ZXDC: variants seen among roughly 807,000 people sequenced by gnomAD.
ZXDC encodes the protein ZXD family zinc finger C.
Under a neutral mutation model 63.6 loss-of-function variants are expected in ZXDC, and 58 were observed. The observed-to-expected ratio is 0.91, with a 90% CI of 0.74 to 1.13. The LOEUF is 1.13. Ranked by LOEUF, ZXDC falls within the 50% of genes most tolerant of loss-of-function variation. The pLI is 0.00. For missense variants in ZXDC, 1,133 were observed against 1,148.9 expected, an observed-to-expected ratio of 0.99 and a Z score of 0.20; for synonymous variants, 561 against 496.1, an observed-to-expected ratio of 1.13 and a Z score of -1.74.
At position 126,475,428 on chromosome 3, in the gene ZXDC, C is replaced by A; in HGVS notation, c.438G>T (p.Ala146=). The A allele has an allele frequency of 1.7e-6, 2 of 1,184,816 alleles. No homozygotes were observed. Among genetic ancestry groups the A allele is most frequent in the Non-Finnish European group, 2.1e-6 (2 of 958,920 alleles). The allele number at this position is 1,184,816 out of a possible 1,614,324, so 73.4% of individuals were successfully genotyped here. A position where few individuals can be genotyped will look rare whatever the true frequency, so the allele number is the denominator to read the frequency against. Residue 146 remains alanine (A), a synonymous_variant, in exon 1 of 10, where the codon GCG becomes GCT. Coordinates refer to ENST00000389709, the MANE Select transcript of ZXDC (RefSeq NM_025112.5). ...LLVRLDRGVL[A]LSAPPGPATA... is the part of the protein sequence containing the mutation. The stretch of plus-strand genomic sequence containing the variant: ...TTGCGGGGCCGGGCGGCGCAGACAG[C>A]GCGAGGACGCCGCGGTCGAGACGCA...
rs200453415 is a variant in ZXDC at position 126,461,983 on chromosome 3, A to G, written c.1679T>C (p.Leu560Pro). Reference protein sequence around the residue: ...GGNLPANNSSLGPMEPLVLVA... With the variant: ...GGNLPANNSSPGPMEPLVLVA... The stretch of plus-strand genomic sequence containing the variant: ...CAGGACCAGGGGTTCCATCGGCCCT[A>G]GGGAGCTATTATTAGCAGGGAGGTT... Residue 560 changes from leucine to proline, a missense_variant, in exon 6 of 10, where the codon CTA (leucine) becomes CCA (proline). Coordinates refer to ENST00000389709, the MANE Select transcript of ZXDC (RefSeq NM_025112.5). 4.0e-5 allele frequency: 64 copies of G among 1,614,156 alleles called. No homozygotes were observed. In the Middle Eastern group the frequency reaches 6.6e-4, roughly 17 times the overall value.
chr3:126,441,660 G>A (rs1176472237), intron 8 of ZXDC, 105 bp downstream of exon 8: 6 of 1,437,024 alleles, frequency 4.2e-6, no homozygotes, highest in Non-Finnish European at 4.5e-6. Flanking sequence ...AGGCAGGCAG[G>A]GGGTGCTGCG....
chr3:126,462,114 A>G lies in ZXDC; in HGVS notation c.1548T>C (p.Ser516=). 1 of 1,614,014 alleles carries G rather than the reference A, an allele frequency of 6.2e-7. No individual in the cohort carries two copies. Among genetic ancestry groups the G allele is most frequent in the Non-Finnish European group, 8.5e-7 (1 of 1,180,022 alleles). The change falls in exon 6 of 10, where the codon TCT becomes TCC. Residue 516 remains serine (S), a synonymous_variant. Coordinates refer to ENST00000389709, the MANE Select transcript of ZXDC (RefSeq NM_025112.5). ...LTNMDLAALF[S]DTPANASGSA... is the part of the protein sequence containing the mutation. ...AACCACTAGCATTGGCAGGTGTGTC[A>G]GAGAAGAGTGCAGCAAGATCCATGT...
At chr3:126,445,654 C>A (rs978543433) in intron 7 of ZXDC, among the ~76,000 whole-genome samples, 1 of 151,936 alleles carries the variant, frequency 6.6e-6, no homozygotes, top group East Asian at 2.0e-4. Flanking sequence ...TCGGACACCC[C>A]TTCTCAGAGA....
intron 7 of ZXDC, chr3:126,451,153 TACAC>T (rs923423857): frequency 2.8e-5 from 28 of 985,334 alleles, no homozygotes; most frequent in Non-Finnish European, 3.4e-5. Flanking sequence ...ATGTTTTAAT[TACAC>T]AAAGTATTTT....
At chr3:126,465,070 C>G (rs1934702585) in intron 5 of ZXDC, among the ~76,000 whole-genome samples, 1 of 152,224 alleles carries the variant, frequency 6.6e-6, no homozygotes, top group Non-Finnish European at 1.5e-5. Context: ...TGTGACACAG[C>G]TGCGCCCCAA....
In ZXDC at chr3:126,461,668, G is replaced by A. The variant is rs376033046; in HGVS notation, c.1994C>T (p.Ser665Leu). ...LLAPIKVEPD[S>L]PSRPGAVGQQ... The stretch of plus-strand genomic sequence containing the variant: ...CCCAACTGCTCCTGGGCGAGAAGGC[G>A]AGTCCGGCTCCACCTTGATTGGAGC... Residue 665 changes from serine (S) to leucine (L), a missense_variant, in exon 6 of 10, where the codon TCG (serine) becomes TTG (leucine). Transcript: ENST00000389709. 2.4e-5 allele frequency: 39 copies of A among 1,613,848 alleles called. No individual in the cohort carries two copies. The highest frequency in any genetic ancestry group is 1.6e-4 in the Middle Eastern group (1 of 6,062).
Position 126,475,201 on chromosome 3 carries a change from G to A in ZXDC, c.665C>T (p.Ser222Phe), listed in dbSNP as rs1210394681. The A allele has an allele frequency of 1.9e-6, 3 of 1,585,300 alleles. No individual in the cohort carries two copies. Among genetic ancestry groups the A allele is most frequent in the East Asian group, 2.3e-5 (1 of 43,140 alleles). The change falls in exon 1 of 10, where the codon TCC (serine) becomes TTC (phenylalanine). Residue 222 changes from serine to phenylalanine, a missense_variant. Transcript: ENST00000389709. ...LEGCGWAFTTSYKLKRHLQSH... is the reference protein window; with the variant it reads ...LEGCGWAFTTFYKLKRHLQSH... ...CTGCAGGTGCCGCTTGAGCTTGTAG[G>A]ACGTTGTGAAGGCCCAACCACAGCC... is the stretch of plus-strand genomic sequence containing the variant.
chr3:126,438,525 C>G, intron 9 of ZXDC, 64 bp from the exon 10 acceptor site: 1 of 1,492,378 alleles, frequency 6.7e-7, no homozygotes. Flanking sequence ...TCCTGTGGCT[C>G]CACACAGCAG....
chr3:126,455,584 G>A (rs1391931963), intron 7 of ZXDC, among the ~76,000 whole-genome samples: 1 of 152,222 alleles, frequency 6.6e-6, no homozygotes, highest in Non-Finnish European at 1.5e-5. Flanking sequence ...CCAGGATGGA[G>A]AATGTTGATG....
intron 7 of ZXDC, chr3:126,453,996 C>CAT (rs905928741): frequency 3.0e-4 from 252 of 847,496 alleles, no homozygotes; most frequent in South Asian, 7.6e-4. Flanking sequence ...TACATATAGG[C>CAT]ATATATATAT....
intron 8 of ZXDC, 160 bp from the exon 9 acceptor site, chr3:126,439,887 G>C (rs1179974233): frequency 2.1e-6 from 3 of 1,433,262 alleles, no homozygotes; most frequent in Non-Finnish European, 2.7e-6. Flanking sequence ...ATTGTTTATG[G>C]GGGCTGGGTA....
chr3:126,452,419 G>A (rs1218959164), intron 7 of ZXDC: 12 of 985,264 alleles, frequency 1.2e-5, no homozygotes, highest in South Asian at 4.7e-5. Context: ...ACAGGTGCAG[G>A]AGCCGAGCAC....
intron 3 of ZXDC, 30 bp downstream of exon 3, chr3:126,471,943 T>G: frequency 1.3e-6 from 2 of 1,582,786 alleles, no homozygotes; most frequent in Non-Finnish European, 1.7e-6. Context: ...TTTTCAAACC[T>G]GATAATGCAA....
chr3:126,451,451 G>A lies in ZXDC; in HGVS notation c.2212+8202C>T, dbSNP rs1576669532. The stretch of plus-strand genomic sequence containing the variant: ...TCACACAGATCCCTGGGATTTCCTT[G>A]AGATAAATTCAAAAAATGTAATTGT... On this transcript the variant is annotated intron_variant, in intron 7 of 9. Coordinates refer to ENST00000389709, the MANE Select transcript of ZXDC (RefSeq NM_025112.5). 6.1e-6 allele frequency: 6 copies of A among 985,308 alleles called. No individual in the cohort carries two copies. In the East Asian group the frequency reaches 4.5e-4, roughly 74 times the overall value. 61.0% of individuals were successfully genotyped at this position (985,308 alleles called of 1,614,324 possible).
intron 7 of ZXDC, among the ~76,000 whole-genome samples, chr3:126,447,406 C>T (rs1286906445): frequency 2.6e-5 from 4 of 152,290 alleles, no homozygotes; most frequent in African/African-American, 9.6e-5. Flanking sequence ...CAAATATGTA[C>T]TGTGCAATTA....
Position 126,475,075 on chromosome 3 carries a change from T to C in ZXDC, c.791A>G (p.Gln264Arg), listed in dbSNP as rs1935131613. The change falls in exon 1 of 10, where the codon CAG becomes CGG. Residue 264 changes from glutamine (Q) to arginine (R), a missense_variant. By Grantham distance (43) the Gln-to-Arg change is conservative. Transcript: ENST00000389709. ...NLKAHMKGHE[Q>R]ESLFKCEVCA... ...CACCTCGCACTTGAACAGGCTCTCC[T>C]GCTCGTGGCCCTTCATGTGCGCCTT... The C allele has an allele frequency of 2.5e-6, 4 of 1,607,132 alleles. No homozygotes were observed. The highest frequency in any genetic ancestry group is 2.2e-5 in the South Asian group (2 of 89,878).
chr3:126,466,144 A>G lies in ZXDC; in HGVS notation c.1441+11T>C, dbSNP rs367950441. On this transcript the variant is annotated intron_variant, in intron 5 of 9. Transcript: ENST00000389709. ...AAGCAGCTCCCCATGGGGGCCGTGG[A>G]AAGTGCAGACCTTGGCGCCGGCTGT... 1 of 1,603,398 alleles carries G rather than the reference A, an allele frequency of 6.2e-7. No individual in the cohort carries two copies. Among genetic ancestry groups the G allele is most frequent in the Non-Finnish European group, 8.5e-7 (1 of 1,173,618 alleles).
At chr3:126,459,159 T>C (rs1312771127) in intron 7 of ZXDC, 28 of 985,330 alleles carry the variant, frequency 2.8e-5, no homozygotes, top group Non-Finnish European at 3.4e-5. Context: ...CAGCTCTTGT[T>C]TGGTCTTTAA....
Sources: gnomAD v4.1 joint callset for allele counts (sites outside exome capture counted in the v4.1 genomes callset) on GRCh38, gnomAD v4.1.1 for gene constraint, MANE v1.5 for transcripts, NCBI Gene and HGNC (gene_info 2026-07-23, HGNC 2026-07-21) for gene names.